RPL17: variants seen among roughly 807,000 people sequenced by gnomAD.
RPL17 encodes the protein ribosomal protein L17, also known as large ribosomal subunit protein uL22.
RPL17 carries 2 observed loss-of-function variants against 27.7 expected under a neutral mutation model. That is an observed-to-expected ratio of 0.07 (90% CI 0.03 to 0.23). The LOEUF is 0.23. RPL17 is among the 10% of genes least tolerant of loss of function. RPL17 has a pLI of 1.00. For synonymous variants in RPL17, 76 were observed against 75.5 expected (o/e 1.01, Z -0.03); for missense variants, 141 against 238.8 (o/e 0.59, Z 2.70).
chr18:49,490,187 G>A (rs960660456), intron 5 of RPL17: 2 of 391,256 alleles, frequency 5.1e-6, no homozygotes, highest in African/African-American at 4.2e-5. Context: ...TACCTCCAGT[G>A]TAAAAAGACA....
intron 1 of RPL17, 100 bp from the exon 2 acceptor site, chr18:49,491,684 T>C: frequency 7.0e-7 from 1 of 1,427,152 alleles, no homozygotes. Flanking sequence ...GAGTAGTTGT[T>C]TTCATTATTA....
In RPL17 at chr18:49,490,781, A is replaced by T; in HGVS notation, c.216+12T>A. 1 of 1,612,774 alleles carries T rather than the reference A, an allele frequency of 6.2e-7. No individual in the cohort carries two copies. The highest frequency in any genetic ancestry group is 2.2e-5 in the East Asian group (1 of 44,888). ...AAATCTGTCTTTTCAAATGGCAACT[A>T]AGAATTCTCACCTGCGCACACCTGC... is the stretch of plus-strand genomic sequence containing the variant. On this transcript the variant is annotated intron_variant, in intron 4 of 6. Transcript: ENST00000580261.
At chr18:49,491,055 A>T in intron 3 of RPL17, 128 bp from the exon 4 acceptor site, 1 of 1,462,858 alleles carries the variant, frequency 6.8e-7, no homozygotes, top group Non-Finnish European at 9.2e-7. Context: ...CAAGGCAATT[A>T]AAAAAACTTG....
At chr18:49,488,687 A>G (rs958986303) in intron 6 of RPL17, 121 bp from the exon 7 acceptor site, 2 of 655,828 alleles carry the variant, frequency 3.0e-6, no homozygotes, top group African/African-American at 3.7e-5. Context: ...AAATACTTAA[A>G]TGGTAGAAAT....
Position 49,490,817 on chromosome 18 carries a change from A to G in RPL17, c.192T>C (p.Asn64=). 6.2e-7 allele frequency: 1 copy of G among 1,613,030 alleles called. No homozygotes were observed. The highest frequency in any genetic ancestry group is 8.5e-7 in the Non-Finnish European group (1 of 1,179,868). The change falls in exon 4 of 7, where the codon AAT becomes AAC. Residue 64 remains asparagine (N), a synonymous_variant. Transcript: ENST00000580261. ...QKQCVPFRRY[N]GGVGRCAQAK... Reference sequence around the variant, plus strand: ...CCTGCGCACACCTGCCAACTCCACCATTGTAACGTCGGAATGGTACACACT... The same window carrying G: ...CCTGCGCACACCTGCCAACTCCACCGTTGTAACGTCGGAATGGTACACACT...
At chr18:49,490,154 A>T (rs2083949242) in intron 5 of RPL17, 1 of 319,726 alleles carries the variant, frequency 3.1e-6, no homozygotes, top group Non-Finnish European at 5.8e-6. Flanking sequence ...TGTCACAAAA[A>T]GGGGTAAAAG....
chr18:49,489,463 G>T lies in RPL17; in HGVS notation c.403C>A (p.Arg135=), dbSNP rs1437154714. Residue 135 remains arginine (R), a synonymous_variant, in exon 6 of 7, where the codon CGG becomes AGG. Transcript: ENST00000580261. ...MRRRTYRAHG[R]INPYMSSPCH... The stretch of plus-strand genomic sequence containing the variant: ...GGAGAGCTCATGTATGGGTTAATCC[G>T]ACCATGAGCTCTGTAGGTCCGGCGG... 1 of 1,606,200 alleles carries T rather than the reference G, an allele frequency of 6.2e-7. No individual in the cohort carries two copies. Among genetic ancestry groups the T allele is most frequent in the Non-Finnish European group, 8.5e-7 (1 of 1,179,804 alleles).
At chr18:49,489,910 A>G (rs1212625206) in intron 5 of RPL17, among the ~76,000 whole-genome samples, 1 of 152,242 alleles carries the variant, frequency 6.6e-6, no homozygotes, top group Non-Finnish European at 1.5e-5. Context: ...ACAGACCTAA[A>G]CTAATTCCAG....
rs1245739026 is a variant in RPL17 at position 49,488,585 on chromosome 18, G to GTTC, written c.508-20_508-19insGAA. 6.6e-7 allele frequency: 1 copy of GTTC among 1,507,620 alleles called. No individual in the cohort carries two copies. Among genetic ancestry groups the GTTC allele is most frequent in the South Asian group, 1.1e-5 (1 of 88,768 alleles). The allele number at this position is 1,507,620 out of a possible 1,614,324, so 93.4% of individuals were successfully genotyped here. A position where few individuals can be genotyped will look rare whatever the true frequency, so the allele number is the denominator to read the frequency against. On this transcript the variant is annotated intron_variant, in intron 6 of 6. Transcript: ENST00000580261. ...GGGATATCTGGGGAAAGAAAAATGT[G>GTTC]TTAAGTTTCTTAGAGAAAACCACAG...
In RPL17 at chr18:49,489,356, T is replaced by C. The variant is rs772683037; in HGVS notation, c.507+3A>G. 3.7e-6 allele frequency: 6 copies of C among 1,613,878 alleles called. No homozygotes were observed. The East Asian group carries it at 1.1e-4, about 30-fold the overall frequency. On this transcript the variant is annotated splice_donor_region_variant and intron_variant, in intron 6 of 6. Coordinates refer to ENST00000580261, the MANE Select transcript of RPL17 (RefSeq NM_001035006.5). Reference sequence around the variant, plus strand: ...AAACAAAACCGAGCAACTACTTATTTACCTTTTTCTTCTGGGCAACCTCCT... The same window carrying C: ...AAACAAAACCGAGCAACTACTTATTCACCTTTTTCTTCTGGGCAACCTCCT...
At chr18:49,488,628 C>G in intron 6 of RPL17, 62 bp from the exon 7 acceptor site, 1 of 990,408 alleles carries the variant, frequency 1.0e-6, no homozygotes, top group Non-Finnish European at 1.6e-6. Flanking sequence ...TGGAGGACTT[C>G]AGCTTATTCT....
Position 49,490,533 on chromosome 18 carries a change from G to A in RPL17, c.236C>T (p.Thr79Ile), listed in dbSNP as rs1302392850. ...RCAQAKQWGW[T>I]QGRWPKKSAE... ...ACTCTTTTTGGGCCACCGACCTTGT[G>A]TCCAGCCCCATTGCTTGGCCTGAAA... The change falls in exon 5 of 7, where the codon ACA becomes ATA. Residue 79 changes from threonine to isoleucine, a missense_variant. Around this residue, in one of 2 missense-constraint regions of RPL17, gnomAD observed 107 missense variants for 150.1 expected, o/e 0.71. Transcript: ENST00000580261. 6.2e-7 allele frequency: 1 copy of A among 1,613,986 alleles called. No homozygotes were observed. Among genetic ancestry groups the A allele is most frequent in the Non-Finnish European group, 8.5e-7 (1 of 1,179,926 alleles).
chr18:49,489,879 G>C (rs916818279), intron 5 of RPL17, among the ~76,000 whole-genome samples: 7 of 152,132 alleles, frequency 4.6e-5, no homozygotes, highest in Non-Finnish European at 8.8e-5. Context: ...TCTCAGCATG[G>C]CTTAGAAGGT....
chr18:49,489,199 A>G, intron 6 of RPL17, 160 bp downstream of exon 6: 1 of 704,130 alleles, frequency 1.4e-6, no homozygotes, highest in Non-Finnish European at 2.3e-6. Flanking sequence ...ATTTATTATT[A>G]GTCAAGAAAC....
intron 1 of RPL17, chr18:49,491,949 G>A: frequency 2.6e-6 from 1 of 385,150 alleles, no homozygotes; most frequent in Non-Finnish European, 5.0e-6. Flanking sequence ...CCTCCCTCCC[G>A]CTCTACAGAA....
intron 3 of RPL17, 161 bp from the exon 4 acceptor site, chr18:49,491,088 C>T (rs1173494975): frequency 1.7e-6 from 2 of 1,190,904 alleles, no homozygotes; most frequent in South Asian, 1.4e-5. Flanking sequence ...AGGTAAACTT[C>T]GTTGAAGCTA....
intron 5 of RPL17, 142 bp downstream of exon 5, chr18:49,490,312 A>T (rs1165194736): frequency 6.8e-6 from 6 of 884,998 alleles, no homozygotes; most frequent in Non-Finnish European, 1.0e-5. Context: ...AAATAGTTTC[A>T]TTCTGTGGAA....
rs1230057203 is a variant in RPL17 at position 49,490,871 on chromosome 18, C to A, written c.138G>T (p.Lys46Asn). The A allele has an allele frequency of 1.9e-6, 3 of 1,613,800 alleles. No individual in the cohort carries two copies. In the East Asian group the frequency reaches 6.7e-5, roughly 36 times the overall value. ...IKGMHIRKAT[K>N]YLKDVTLQKQ... is the part of the protein sequence containing the mutation. ...TCTGTAAAGTGACATCTTTCAGATA[C>A]TTCGTGGCTTTTCGTATATGCATAC... The change falls in exon 4 of 7, where the codon AAG (lysine) becomes AAT (asparagine). Residue 46 changes from lysine to asparagine, a missense_variant. Physicochemically the swap from Lys to Asn is moderately conservative, Grantham distance 94 (BLOSUM62 0). Around this residue, in one of 2 missense-constraint regions of RPL17, gnomAD observed 107 missense variants for 150.1 expected, o/e 0.71. Coordinates refer to ENST00000580261, the MANE Select transcript of RPL17 (RefSeq NM_001035006.5).
At chr18:49,491,639 G>A (rs1229372611) in intron 1 of RPL17, 55 bp from the exon 2 acceptor site, 6 of 1,585,950 alleles carry the variant, frequency 3.8e-6, no homozygotes, top group Non-Finnish European at 4.3e-6. Flanking sequence ...AACTCATTCA[G>A]TATAAATATC....
Sources: gnomAD v4.1 joint callset for allele counts (sites outside exome capture counted in the v4.1 genomes callset) on GRCh38, gnomAD v4.1.1 for gene constraint, gnomAD v4.1.1 regional missense constraint, MANE v1.5 for transcripts, NCBI Gene and HGNC (gene_info 2026-07-23, HGNC 2026-07-21) for gene names.